Variants in RAB11FIP3 observed in about 807,000 individuals in gnomAD.
RAB11FIP3 encodes the protein RAB11 family interacting protein 3.
A neutral mutation model predicts 77.8 loss-of-function variants in RAB11FIP3; 17 were observed. That is an observed-to-expected ratio of 0.22 (90% CI 0.15 to 0.33). The LOEUF is 0.33. Among genes scored for constraint, RAB11FIP3 ranks in the 10% least tolerant of loss-of-function variants. The probability of loss-of-function intolerance (pLI) is 1.00; values close to 1 mark genes in which losing one functional copy is unlikely to be tolerated. For missense variants in RAB11FIP3, 1,005 were observed against 1,011.2 expected, an observed-to-expected ratio of 0.99 and a Z score of 0.08; for synonymous variants, 437 against 448.2, an observed-to-expected ratio of 0.98 and a Z score of 0.31.
chr16:505,999 C>A lies in RAB11FIP3; in HGVS notation c.1499+372C>A, dbSNP rs1009412231. ...AGCTCTCCCACCACTCTGGTCCATACGGGGTTTGCCCGTCCTGGAAGAATG... is the reference window on the plus strand; with the variant it reads ...AGCTCTCCCACCACTCTGGTCCATAAGGGGTTTGCCCGTCCTGGAAGAATG... On this transcript the variant is annotated intron_variant, in intron 8 of 13. Transcript: ENST00000262305. This position sits in a 1 kb window ranked among gnomAD's most constrained non-coding sequence, Gnocchi z 4.0. Among the ~76,000 whole-genome samples the A allele has an allele frequency of 6.6e-6, 1 of 152,222 alleles. No individual in the cohort carries two copies. Among genetic ancestry groups the A allele is most frequent in the South Asian group, 2.1e-4 (1 of 4,828 alleles).
intron 6 of RAB11FIP3, chr16:497,488 C>A (rs1422954416): frequency 3.3e-6 from 4 of 1,194,612 alleles, no homozygotes; most frequent in Non-Finnish European, 4.2e-6. Flanking sequence ...CTTCCTAGTC[C>A]CCGTCCTGCT....
Position 512,433 on chromosome 16 carries a change from G to A in RAB11FIP3, c.1640+1633G>A, listed in dbSNP as rs528378977. 7.2e-5 allele frequency among the ~76,000 whole-genome samples: 11 copies of A among 152,154 alleles called. No homozygotes were observed. In the South Asian group the frequency reaches 2.1e-3, roughly 29 times the overall value. Reference sequence around the variant, plus strand: ...TTTTTTGTAATTTTAGTAGAGACGGGGTTTCACCGTGTTAGCCAGGATGGT... The same window carrying A: ...TTTTTTGTAATTTTAGTAGAGACGGAGTTTCACCGTGTTAGCCAGGATGGT... On this transcript the variant is annotated intron_variant, in intron 9 of 13. Transcript: ENST00000262305.
intron 2 of RAB11FIP3, among the ~76,000 whole-genome samples, chr16:465,039 T>C (rs1426773013): frequency 6.6e-6 from 1 of 152,210 alleles, no homozygotes; most frequent in Non-Finnish European, 1.5e-5. Context: ...GAGAGGATGC[T>C]TCTTTTCTAA....
intron 5 of RAB11FIP3, among the ~76,000 whole-genome samples, chr16:493,692 T>C (rs541594562): frequency 6.6e-5 from 10 of 152,132 alleles, no homozygotes; most frequent in East Asian, 1.9e-4. Flanking sequence ...CTGCAACCTC[T>C]GCCTCCCGGG....
chr16:468,035 G>C lies in RAB11FIP3; in HGVS notation c.809-3260G>C, dbSNP rs1439976573. Among the ~76,000 whole-genome samples the C allele has an allele frequency of 1.3e-4, 7 of 53,502 alleles. 1 individual carries two copies. The highest frequency in any genetic ancestry group is 2.4e-4 in the Non-Finnish European group (6 of 25,088). The allele number at this position is 53,502 out of a possible 152,430, so 35.1% of individuals were successfully genotyped here. The stretch of plus-strand genomic sequence containing the variant: ...GTTGGAGGAGGTGCAGGGAAGTCAG[G>C]GAGGAGGTGCAGGGGCGTTGGAGGA... On this transcript the variant is annotated intron_variant, in intron 2 of 13. Coordinates refer to ENST00000262305, the MANE Select transcript of RAB11FIP3 (RefSeq NM_014700.4).
At chr16:502,175 TC>T (rs1403504987) in intron 6 of RAB11FIP3, among the ~76,000 whole-genome samples, 1 of 152,386 alleles carries the variant, frequency 6.6e-6, no homozygotes, top group South Asian at 2.1e-4. Flanking sequence ...TTTTCTGTAC[TC>T]CCGGCAAGTT....
At position 496,617 on chromosome 16, in the gene RAB11FIP3, C is replaced by T. The variant is rs903165731; in HGVS notation, c.1266-207C>T. ...CTCTTTGGGGGCTGGAGTAACGAGACGTATGCGGCCTCACCCCAGCACTGC... is the reference window on the plus strand; with the variant it reads ...CTCTTTGGGGGCTGGAGTAACGAGATGTATGCGGCCTCACCCCAGCACTGC... On this transcript the variant is annotated intron_variant, in intron 5 of 13. Coordinates refer to ENST00000262305, the MANE Select transcript of RAB11FIP3 (RefSeq NM_014700.4). Among the ~76,000 whole-genome samples, 3 of 152,236 alleles carry T rather than the reference C, an allele frequency of 2.0e-5. No individual in the cohort carries two copies. The South Asian group carries it at 6.2e-4, about 31-fold the overall frequency.
At chr16:492,460 G>C (rs879055961) in intron 5 of RAB11FIP3, among the ~76,000 whole-genome samples, 11,010 of 27,346 alleles carry the variant, frequency 0.4, 2,035 homozygotes, top group Non-Finnish European at 0.44. Context: ...GGCCCTTCCC[G>C]GGGAGACCCG....
At position 456,447 on chromosome 16, in the gene RAB11FIP3, AAAAAAG is replaced by A. The variant is rs557817488; in HGVS notation, c.715-4939_715-4934del. Among the ~76,000 whole-genome samples, 429 of 151,128 alleles carry A rather than the reference AAAAAAG, an allele frequency of 2.8e-3. 1 individual carries two copies. The highest frequency in any genetic ancestry group is 0.016 in the South Asian group (74 of 4,772). ...AGAGTGAGACCCTGTCTCAAAAAAA[AAAAAAG>A]AAAAAGAAAAAGAAAAACAAGGCTG... On this transcript the variant is annotated intron_variant, in intron 1 of 13. Transcript: ENST00000262305.
chr16:449,366 G>A (rs955530005), intron 1 of RAB11FIP3, among the ~76,000 whole-genome samples: 4 of 152,154 alleles, frequency 2.6e-5, no homozygotes, highest in African/African-American at 7.2e-5. Flanking sequence ...CTGGTTGGTC[G>A]TTTGCCAGAA....
intron 5 of RAB11FIP3, among the ~76,000 whole-genome samples, chr16:489,719 C>T (rs1239343024): frequency 6.6e-6 from 1 of 152,246 alleles, no homozygotes; most frequent in Non-Finnish European, 1.5e-5. Context: ...TCTTCCCTTG[C>T]CTGCTGCCCG....
At chr16:517,011 G>A (rs760151500) in intron 9 of RAB11FIP3, among the ~76,000 whole-genome samples, 1 of 152,192 alleles carries the variant, frequency 6.6e-6, no homozygotes, top group Non-Finnish European at 1.5e-5. Context: ...ACCTGTCAGA[G>A]TGCACACCTG....
intron 3 of RAB11FIP3, among the ~76,000 whole-genome samples, chr16:474,431 T>A (rs1390312515): frequency 1.3e-5 from 2 of 152,092 alleles, no homozygotes; most frequent in Non-Finnish European, 2.9e-5. Context: ...GTTGCTGCTA[T>A]GGTGTCTGAG....
At chr16:433,692 CAAA>C (rs879788474) in intron 1 of RAB11FIP3, among the ~76,000 whole-genome samples, 1 of 134,104 alleles carries the variant, frequency 7.5e-6, no homozygotes, top group Non-Finnish European at 1.6e-5. Context: ...ACTAAAAATA[CAAA>C]AAAAAAAAAA....
intron 1 of RAB11FIP3, among the ~76,000 whole-genome samples, chr16:457,092 T>C (rs1567367319): frequency 6.6e-6 from 1 of 152,146 alleles, no homozygotes; most frequent in South Asian, 2.1e-4. Context: ...GAAAACAGTA[T>C]AATTCAAGTA....
intron 1 of RAB11FIP3, among the ~76,000 whole-genome samples, chr16:429,974 G>GGT (rs1443924674): frequency 6.6e-6 from 1 of 152,082 alleles, no homozygotes. Context: ...GCAATGTCAT[G>GGT]GTGTGTTTGG....
At chr16:499,776 C>T (rs569007908) in intron 6 of RAB11FIP3, among the ~76,000 whole-genome samples, 80 of 131,132 alleles carry the variant, frequency 6.1e-4, no homozygotes, top group African/African-American at 2.4e-3. Flanking sequence ...CTAGCCTGGG[C>T]GACAGAGCAA....
chr16:516,330 A>C (rs2032416085), intron 9 of RAB11FIP3, among the ~76,000 whole-genome samples: 1 of 152,156 alleles, frequency 6.6e-6, no homozygotes, highest in Non-Finnish European at 1.5e-5. Context: ...GGTTCCTTGG[A>C]GAAATGGCCA....
At chr16:493,125 C>T (rs1475811623) in intron 5 of RAB11FIP3, among the ~76,000 whole-genome samples, 2 of 152,046 alleles carry the variant, frequency 1.3e-5, no homozygotes, top group Non-Finnish European at 2.9e-5. Context: ...GTGGCACATG[C>T]CTGTAGTTCC....
Sources: allele counts gnomAD v4.1 joint callset (sites outside exome capture counted in the v4.1 genomes callset), GRCh38; gene constraint gnomAD v4.1.1; non-coding constraint Gnocchi (gnomAD v3.1); transcripts MANE v1.5; gene names NCBI Gene and HGNC (gene_info 2026-07-23, HGNC 2026-07-21).